PTH1R: variants seen among roughly 807,000 people sequenced by gnomAD.
PTH1R encodes parathyroid hormone 1 receptor.
PTH1R carries 32 observed loss-of-function variants against 70.7 expected under a neutral mutation model. The ratio of observed to expected loss-of-function variants is 0.45; its 90% confidence interval spans 0.34 to 0.61. The LOEUF (loss-of-function observed/expected upper bound fraction) is 0.61. Among genes scored for constraint, PTH1R ranks in the 20% least tolerant of loss-of-function variants. PTH1R has a pLI of 0.01. For synonymous variants in PTH1R, 329 were observed against 324.8 expected (o/e 1.01, Z -0.14); for missense variants, 626 against 792.5 (o/e 0.79, Z 2.52).
Position 46,901,214 on chromosome 3 carries a change from C to A in PTH1R, c.1049+129C>A. ...CAGCCTCAGGAGTTCTCAGTCCAGC[C>A]TCAAGCCAGGAGCACCCTCAGGGTC... On this transcript the variant is annotated intron_variant, in intron 11 of 15. Coordinates refer to ENST00000449590, the MANE Select transcript of PTH1R (RefSeq NM_000316.3). This position sits in a 1 kb window ranked among gnomAD's most constrained non-coding sequence, Gnocchi z 7.3. The A allele has an allele frequency of 7.4e-7, 1 of 1,347,990 alleles. No homozygotes were observed. The highest frequency in any genetic ancestry group is 1.0e-6 in the Non-Finnish European group (1 of 967,100). 83.5% of individuals were successfully genotyped at this position (1,347,990 alleles called of 1,614,324 possible).
At chr3:46,899,969 T>A (rs2032021692) in intron 10 of PTH1R, among the ~76,000 whole-genome samples, 1 of 152,200 alleles carries the variant, frequency 6.6e-6, no homozygotes, top group South Asian at 2.1e-4. Context: ...TCACAGCACC[T>A]CTGCAGAATG....
rs1373997889 is a variant in PTH1R at position 46,882,129 on chromosome 3, G to T, written c.-49+1011G>T. ...CCTCTAGCGCAATGTCCCGGGGCGG[G>T]GGGCGGAAGGCTCCTCTCGGCCTCT... On this transcript the variant is annotated intron_variant, in intron 2 of 15. Coordinates refer to ENST00000449590, the MANE Select transcript of PTH1R (RefSeq NM_000316.3). This position sits in a 1 kb window ranked among gnomAD's most constrained non-coding sequence, Gnocchi z 4.3. 1 of 152,112 alleles carries T rather than the reference G, an allele frequency of 6.6e-6. No homozygotes were observed. Among genetic ancestry groups the T allele is most frequent in the Non-Finnish European group, 1.5e-5 (1 of 68,010 alleles). 9.4% of individuals were successfully genotyped at this position (152,112 alleles called of 1,614,324 possible).
chr3:46,895,083 ACAAAC>A lies in PTH1R; in HGVS notation c.179-651_179-647del, dbSNP rs1559533300. Among the ~76,000 whole-genome samples the A allele has an allele frequency of 1.4e-4, 15 of 109,922 alleles. 1 individual carries two copies. Among genetic ancestry groups the A allele is most frequent in the South Asian group, 3.3e-4 (1 of 3,020 alleles). The allele number at this position is 109,922 out of a possible 152,430, so 72.1% of individuals were successfully genotyped here. On this transcript the variant is annotated intron_variant, in intron 4 of 15. Coordinates refer to ENST00000449590, the MANE Select transcript of PTH1R (RefSeq NM_000316.3). ...TGTCTCAAAAAAAAAAACAAAAAAA[ACAAAC>A]AAACAAAAAAAAAAAACGTCCAGCA...
At chr3:46,881,315 C>T (rs1168938877) in intron 2 of PTH1R, among the ~76,000 whole-genome samples, 197 bp downstream of exon 2, 2 of 152,224 alleles carry the variant, frequency 1.3e-5, no homozygotes, top group South Asian at 2.1e-4. Flanking sequence ...TCCAGCGTGC[C>T]CTCCCCAGCC....
Position 46,898,874 on chromosome 3 carries a change from C to T in PTH1R, c.834+17C>T, listed in dbSNP as rs1306291256. ...GCCGGCTACGTGAGTACCCCTCTGC[C>T]CGCCCGCTCCCGGTGCCGCCACTGG... On this transcript the variant is annotated intron_variant, in intron 9 of 15. Coordinates refer to ENST00000449590, the MANE Select transcript of PTH1R (RefSeq NM_000316.3). 4.7e-6 allele frequency: 7 copies of T among 1,493,048 alleles called. No individual in the cohort carries two copies. Among genetic ancestry groups the T allele is most frequent in the African/African-American group, 1.4e-5 (1 of 70,844 alleles). The allele number at this position is 1,493,048 out of a possible 1,614,324, so 92.5% of individuals were successfully genotyped here. A position where few individuals can be genotyped will look rare whatever the true frequency, so the allele number is the denominator to read the frequency against.
intron 3 of PTH1R, among the ~76,000 whole-genome samples, chr3:46,885,535 G>A (rs2030960770): frequency 6.6e-6 from 1 of 152,170 alleles, no homozygotes; most frequent in Non-Finnish European, 1.5e-5. Flanking sequence ...TGTGTGTGGA[G>A]TATGGGTACC....
Position 46,895,821 on chromosome 3 carries a change from C to G in PTH1R, c.265C>G (p.Pro89Ala). The change falls in exon 5 of 16, where the codon CCT becomes GCT. Residue 89 changes from proline (P) to alanine (A), a missense_variant. Around this residue, in one of 3 missense-constraint regions of PTH1R, gnomAD observed 123 missense variants for 125.7 expected, o/e 0.98. Transcript: ENST00000449590. ...AGATAAGGCATCTGGGAAGCTCTAC[C>G]CTGAGTCTGAGGAGGACAAGGAGGC... ...RKDKASGKLY[P>A]ESEEDKEAPT... 1 of 1,614,028 alleles carries G rather than the reference C, an allele frequency of 6.2e-7. No individual in the cohort carries two copies. The highest frequency in any genetic ancestry group is 1.1e-5 in the South Asian group (1 of 91,070).
rs756330580 is a variant in PTH1R, at chr3:46,903,555, G to T, written c.1681G>T (p.Asp561Tyr). ...ACCTGCCATGGCTGCTCCCAAGGAC[G>T]ATGGGTTCCTCAACGGCTCCTGCTC... ...TPPAMAAPKD[D>Y]GFLNGSCSGL... The change falls in exon 16 of 16, where the codon GAT becomes TAT. Residue 561 changes from aspartate (D) to tyrosine (Y), a missense_variant. By Grantham distance (160) the Asp-to-Tyr change is radical. Coordinates refer to ENST00000449590, the MANE Select transcript of PTH1R (RefSeq NM_000316.3). This position sits in a 1 kb window ranked among gnomAD's most constrained non-coding sequence, Gnocchi z 4.4. 7 of 1,613,958 alleles carry T rather than the reference G, an allele frequency of 4.3e-6. No individual in the cohort carries two copies. The South Asian group carries it at 5.5e-5, about 13-fold the overall frequency.
intron 5 of PTH1R, 143 bp from the exon 6 acceptor site, chr3:46,897,712 C>T (rs1559534767): frequency 1.3e-6 from 1 of 792,844 alleles, no homozygotes; most frequent in Non-Finnish European, 2.1e-6. Context: ...GCCTGAGCAA[C>T]AAAAGCGAAA....
rs1385321677 is a variant in PTH1R at position 46,892,432 on chromosome 3, A to G, written c.76-1475A>G. Among the ~76,000 whole-genome samples, 1 of 152,144 alleles carries G rather than the reference A, an allele frequency of 6.6e-6. No homozygotes were observed. Among genetic ancestry groups the G allele is most frequent in the Non-Finnish European group, 1.5e-5 (1 of 68,018 alleles). ...TGAGAACGCGCACGGACGGGCACACACAAGTGCACGCGCCGGCCACTCGAG... is the reference window on the plus strand; with the variant it reads ...TGAGAACGCGCACGGACGGGCACACGCAAGTGCACGCGCCGGCCACTCGAG... On this transcript the variant is annotated intron_variant, in intron 3 of 15. Coordinates refer to ENST00000449590, the MANE Select transcript of PTH1R (RefSeq NM_000316.3). This position sits in a 1 kb window ranked among gnomAD's most constrained non-coding sequence, Gnocchi z 5.2.
intron 2 of PTH1R, among the ~76,000 whole-genome samples, chr3:46,881,369 T>G (rs889424063): frequency 6.6e-6 from 1 of 152,006 alleles, no homozygotes. Flanking sequence ...CCCCGCGGAC[T>G]CCTCCTTGCC....
At position 46,902,818 on chromosome 3, in the gene PTH1R, G is replaced by C. The variant is rs1372085726; in HGVS notation, c.1395+28G>C. On this transcript the variant is annotated intron_variant, in intron 15 of 15. Transcript: ENST00000449590. The surrounding 1 kb of genome is among the most constrained non-coding windows in gnomAD (Gnocchi z 5.4). ...AAGCAGGAGACAGTGTTGGCATAGG[G>C]CAGGGTGGGGCAGATACCCCAGAGG... 2 of 1,613,024 alleles carry C rather than the reference G, an allele frequency of 1.2e-6. No homozygotes were observed. The highest frequency in any genetic ancestry group is 2.2e-5 in the South Asian group (2 of 91,068).
At position 46,898,709 on chromosome 3, in the gene PTH1R, CCTT is replaced by C. The variant is rs1423339134; in HGVS notation, c.688_690del (p.Phe230del). ...TACATCCACATGCACCTGTTCCTGT[CCTT>C]CATGCTGCGCGCCGTGAGCATCTTC... On this transcript the variant is annotated inframe_deletion, in exon 9 of 16. Transcript: ENST00000449590. The C allele has an allele frequency of 1.2e-6, 2 of 1,612,112 alleles. No homozygotes were observed. Among genetic ancestry groups the C allele is most frequent in the Non-Finnish European group, 8.5e-7 (1 of 1,179,692 alleles).
At position 46,892,982 on chromosome 3, in the gene PTH1R, CT is replaced by C. The variant is rs2031523228; in HGVS notation, c.76-924del. On this transcript the variant is annotated intron_variant, in intron 3 of 15. Transcript: ENST00000449590. The surrounding 1 kb of genome is among the most constrained non-coding windows in gnomAD (Gnocchi z 5.2). ...GGTCACATTCACGGGAATGGCTGGG[CT>C]AGGCACACCAGGCTGCTCCCAAGTC... Among the ~76,000 whole-genome samples, 1 of 152,206 alleles carries C rather than the reference CT, an allele frequency of 6.6e-6. No individual in the cohort carries two copies. Among genetic ancestry groups the C allele is most frequent in the East Asian group, 1.9e-4 (1 of 5,192 alleles).
Position 46,883,739 on chromosome 3 carries a change from C to A in PTH1R, c.75+105C>A. ...TCTTGAGTTCCCCCAGTAGTTCGAA[C>A]TTTGGGTGAGAGTCCCCTCTGATCC... On this transcript the variant is annotated intron_variant, in intron 3 of 15. Transcript: ENST00000449590. The surrounding 1 kb of genome is among the most constrained non-coding windows in gnomAD (Gnocchi z 6.4). 7.4e-7 allele frequency: 1 copy of A among 1,355,606 alleles called. No individual in the cohort carries two copies. Among genetic ancestry groups the A allele is most frequent in the Non-Finnish European group, 1.0e-6 (1 of 982,946 alleles). The allele number at this position is 1,355,606 out of a possible 1,614,324, so 84.0% of individuals were successfully genotyped here.
At position 46,898,840 on chromosome 3, in the gene PTH1R, A is replaced by G. The variant is rs1220180474; in HGVS notation, c.817A>G (p.Thr273Ala). Residue 273 changes from threonine (T) to alanine (A), a missense_variant, in exon 9 of 16, where the codon ACC becomes GCC. Physicochemically the swap from Thr to Ala is moderately conservative, Grantham distance 58 (BLOSUM62 0). Around this residue, in one of 3 missense-constraint regions of PTH1R, gnomAD observed 495 missense variants for 638.7 expected, o/e 0.77. Transcript: ENST00000449590. ...AIAQAPPPPA[T>A]AAAGYAGCRV... is the part of the protein sequence containing the mutation. ...CGCCCAGGCGCCCCCGCCGCCTGCC[A>G]CCGCCGCTGCCGGCTACGTGAGTAC... 6.5e-7 allele frequency: 1 copy of G among 1,548,102 alleles called. No homozygotes were observed. Among genetic ancestry groups the G allele is most frequent in the Non-Finnish European group, 8.7e-7 (1 of 1,152,564 alleles).
chr3:46,882,411 T>G lies in PTH1R; in HGVS notation c.-48-1101T>G, dbSNP rs1377570404. 1.3e-5 allele frequency: 2 copies of G among 149,766 alleles called. No individual in the cohort carries two copies. The highest frequency in any genetic ancestry group is 3.0e-5 in the Non-Finnish European group (2 of 67,354). The allele number at this position is 149,766 out of a possible 1,614,324, so 9.3% of individuals were successfully genotyped here. ...ACGGGGCGCTGGCTTGGGGAGGCTGTCGGGGGGGCCCCGACATCCATGGCA... is the reference window on the plus strand; with the variant it reads ...ACGGGGCGCTGGCTTGGGGAGGCTGGCGGGGGGGCCCCGACATCCATGGCA... On this transcript the variant is annotated intron_variant, in intron 2 of 15. Transcript: ENST00000449590. This position sits in a 1 kb window ranked among gnomAD's most constrained non-coding sequence, Gnocchi z 4.3.
chr3:46,879,241 C>T lies in PTH1R; in HGVS notation c.-106+1398C>T, dbSNP rs971801912. 6.6e-6 allele frequency among the ~76,000 whole-genome samples: 1 copy of T among 152,206 alleles called. No individual in the cohort carries two copies. On this transcript the variant is annotated intron_variant, in intron 1 of 15. Coordinates refer to ENST00000449590, the MANE Select transcript of PTH1R (RefSeq NM_000316.3). This position sits in a 1 kb window ranked among gnomAD's most constrained non-coding sequence, Gnocchi z 4.7. ...CCTCTCTGCAGCCCTCTCCACAGCC[C>T]ACCCTCATCCTCCCAAGTACAAGTA...
Position 46,880,831 on chromosome 3 carries a change from T to C in PTH1R, c.-105-231T>C, listed in dbSNP as rs77278978. 4.7e-4 allele frequency among the ~76,000 whole-genome samples: 71 copies of C among 152,218 alleles called. No homozygotes were observed. In the East Asian group the frequency reaches 0.014, roughly 29 times the overall value. On this transcript the variant is annotated intron_variant, in intron 1 of 15. Coordinates refer to ENST00000449590, the MANE Select transcript of PTH1R (RefSeq NM_000316.3). Reference sequence around the variant, plus strand: ...GTGCAGTCTGGAAGCTGGATGGGCTTGAGCCAGCAGAAGGGTGGCTGCAGC... The same window carrying C: ...GTGCAGTCTGGAAGCTGGATGGGCTCGAGCCAGCAGAAGGGTGGCTGCAGC...
Sources: allele counts gnomAD v4.1 joint callset (sites outside exome capture counted in the v4.1 genomes callset), GRCh38; gene constraint gnomAD v4.1.1; regional missense constraint gnomAD v4.1.1; non-coding constraint Gnocchi (gnomAD v3.1); transcripts MANE v1.5; gene names NCBI Gene and HGNC (gene_info 2026-07-23, HGNC 2026-07-21).